Variants in TMEM132D observed in about 807,000 individuals in gnomAD.
The protein encoded by TMEM132D is transmembrane protein 132D.
In TMEM132D, 21 loss-of-function variants were observed where a neutral mutation model predicts 62.3. The observed-to-expected ratio is 0.34, with a 90% confidence interval of 0.24 to 0.49. The LOEUF (loss-of-function observed/expected upper bound fraction) is 0.49. TMEM132D is among the 20% of genes least tolerant of loss of function. TMEM132D has a pLI of 0.99. For synonymous variants in TMEM132D, 621 were observed against 575.6 expected, an observed-to-expected ratio of 1.08 and a Z score of -1.13; for missense variants, 1,346 against 1,402.8, an observed-to-expected ratio of 0.96 and a Z score of 0.65.
chr12:129,746,848 G>T (rs1231680135), intron 1 of TMEM132D, among the ~76,000 whole-genome samples: 1 of 151,926 alleles, frequency 6.6e-6, no homozygotes, highest in Admixed American at 6.6e-5. Context: ...AACTCTATCC[G>T]TGCAACTTGC....
At chr12:129,295,218 G>C (rs749921825) in intron 4 of TMEM132D, among the ~76,000 whole-genome samples, 1 of 151,992 alleles carries the variant, frequency 6.6e-6, no homozygotes, top group African/African-American at 2.4e-5. Flanking sequence ...TAGACACTAC[G>C]GAACACTGCT....
chr12:129,515,134 G>A (rs1875633958), intron 3 of TMEM132D, among the ~76,000 whole-genome samples: 1 of 152,132 alleles, frequency 6.6e-6, no homozygotes, highest in Non-Finnish European at 1.5e-5. Flanking sequence ...TACAGGACTA[G>A]CCATTTTATT....
chr12:129,075,742 G>A (rs1231281312), intron 8 of TMEM132D, among the ~76,000 whole-genome samples: 3 of 152,240 alleles, frequency 2.0e-5, no homozygotes, highest in East Asian at 1.9e-4. Flanking sequence ...CCAACTGGAG[G>A]AAACTGGAAG....
intron 5 of TMEM132D, among the ~76,000 whole-genome samples, chr12:129,167,609 G>A (rs116058742): frequency 1.1e-3 from 160 of 152,032 alleles, no homozygotes; most frequent in African/African-American, 3.8e-3. Flanking sequence ...TCTTCTCTTG[G>A]TGCTTCTTGA....
intron 1 of TMEM132D, among the ~76,000 whole-genome samples, chr12:129,722,363 C>T (rs1868870132): frequency 6.6e-6 from 1 of 152,212 alleles, no homozygotes; most frequent in South Asian, 2.1e-4. Flanking sequence ...TGGTGCCACC[C>T]CAACCTGGGC....
chr12:129,095,877 G>T (rs1368306380), intron 5 of TMEM132D, among the ~76,000 whole-genome samples: 12 of 151,448 alleles, frequency 7.9e-5, no homozygotes, highest in Admixed American at 3.3e-4. Flanking sequence ...TATTTTTTTT[G>T]ATGGGAACCC....
chr12:129,449,562 A>C (rs7484696), intron 3 of TMEM132D, among the ~76,000 whole-genome samples: 2,834 of 152,222 alleles, frequency 0.019, 55 homozygotes, highest in East Asian at 0.084. Flanking sequence ...GGGTACACGG[A>C]GTCTCTGCAC....
At chr12:129,733,481 C>G (rs1869318359) in intron 1 of TMEM132D, among the ~76,000 whole-genome samples, 1 of 152,160 alleles carries the variant, frequency 6.6e-6, no homozygotes, top group Non-Finnish European at 1.5e-5. Context: ...ACTCTCCCAG[C>G]AATGCCACCC....
At chr12:129,485,966 T>C (rs1171319620) in intron 3 of TMEM132D, among the ~76,000 whole-genome samples, 1 of 152,210 alleles carries the variant, frequency 6.6e-6, no homozygotes, top group Non-Finnish European at 1.5e-5. Flanking sequence ...TCCCCAGGCT[T>C]CTCCACTTCG....
At chr12:129,789,283 C>A (rs577423517) in intron 1 of TMEM132D, among the ~76,000 whole-genome samples, 76 of 152,216 alleles carry the variant, frequency 5.0e-4, no homozygotes, top group Non-Finnish European at 9.0e-4. Context: ...GTCCTCACAG[C>A]TTAGCTCCTA....
At chr12:129,349,519 A>T (rs139859246) in intron 3 of TMEM132D, among the ~76,000 whole-genome samples, 31 of 152,312 alleles carry the variant, frequency 2.0e-4, no homozygotes, top group African/African-American at 7.5e-4. Flanking sequence ...GTTTCAATTA[A>T]TGTCTTACCT....
chr12:129,610,525 G>A (rs1354271345), intron 2 of TMEM132D, among the ~76,000 whole-genome samples: 2 of 152,008 alleles, frequency 1.3e-5, no homozygotes, highest in Non-Finnish European at 2.9e-5. Flanking sequence ...TCAAAATACT[G>A]GAGTTTCTTT....
At chr12:129,592,523 T>C (rs1878222229) in intron 2 of TMEM132D, among the ~76,000 whole-genome samples, 1 of 152,226 alleles carries the variant, frequency 6.6e-6, no homozygotes, top group African/African-American at 2.4e-5. Flanking sequence ...CAATATGATA[T>C]GTGCATAAAA....
At position 129,534,469 on chromosome 12, in the gene TMEM132D, T is replaced by C. The variant is rs548754975; in HGVS notation, c.969-3264A>G. ...AATGCAATTTGTATATACATATATG[T>C]ATACATAATGTAGAATATGTATATA... On this transcript the variant is annotated intron_variant, in intron 2 of 8. Transcript: ENST00000422113. Among the ~76,000 whole-genome samples the C allele has an allele frequency of 1.4e-4, 22 of 151,922 alleles. No individual in the cohort carries two copies. In the South Asian group the frequency reaches 4.2e-3, roughly 29 times the overall value.
intron 5 of TMEM132D, 75 bp downstream of exon 5, chr12:129,209,445 G>T: frequency 2.5e-6 from 4 of 1,578,876 alleles, no homozygotes; most frequent in South Asian, 2.3e-5. Flanking sequence ...GGTCCCAGAG[G>T]TCCCAAGCTG....
chr12:129,326,943 G>T (rs2135647649), intron 4 of TMEM132D, among the ~76,000 whole-genome samples: 2 of 152,242 alleles, frequency 1.3e-5, no homozygotes, highest in Non-Finnish European at 2.9e-5. Context: ...AAGTCATAAT[G>T]GTGCACTCAG....
At chr12:129,130,919 A>G (rs1876356920) in intron 5 of TMEM132D, among the ~76,000 whole-genome samples, 1 of 152,154 alleles carries the variant, frequency 6.6e-6, no homozygotes, top group South Asian at 2.1e-4. Flanking sequence ...TTGTCTGGGG[A>G]GCTTTAAAAA....
intron 5 of TMEM132D, among the ~76,000 whole-genome samples, chr12:129,203,016 G>A (rs1437937508): frequency 6.6e-6 from 1 of 152,198 alleles, no homozygotes; most frequent in Non-Finnish European, 1.5e-5. Flanking sequence ...GCCTAAAGCT[G>A]CCACATGTAG....
At chr12:129,744,301 T>A (rs1869704257) in intron 1 of TMEM132D, among the ~76,000 whole-genome samples, 2 of 152,222 alleles carry the variant, frequency 1.3e-5, no homozygotes, top group Non-Finnish European at 2.9e-5. Flanking sequence ...GCTCCAAGGA[T>A]GTACTTTCCT....
Sources: allele counts gnomAD v4.1 joint callset (sites outside exome capture counted in the v4.1 genomes callset), GRCh38; gene constraint gnomAD v4.1.1; transcripts MANE v1.5; gene names NCBI Gene and HGNC (gene_info 2026-07-23, HGNC 2026-07-21).